NIPBL: variants seen among roughly 807,000 people sequenced by gnomAD.
The protein encoded by NIPBL is NIPBL cohesin loading factor.
NIPBL carries 19 observed loss-of-function variants against 321.8 expected under a neutral mutation model. The ratio of observed to expected loss-of-function variants is 0.06; its 90% CI spans 0.04 to 0.09. NIPBL has a LOEUF of 0.09. Ranked by LOEUF, NIPBL falls within the 10% of genes least tolerant of loss-of-function variation. The pLI is 1.00. For synonymous variants in NIPBL, 1,106 were observed against 1,114.1 expected (o/e 0.99, Z 0.14); for missense variants, 2,210 against 3,327.0 (o/e 0.66, Z 8.26).
intron 1 of NIPBL, among the ~76,000 whole-genome samples, chr5:36,942,795 A>G (rs1739261894): frequency 6.6e-6 from 1 of 151,008 alleles, no homozygotes; most frequent in Non-Finnish European, 1.5e-5. Flanking sequence ...TTTCACATTC[A>G]TTAGTTATAT....
intron 1 of NIPBL, among the ~76,000 whole-genome samples, chr5:36,952,266 C>G (rs558921186): frequency 6.6e-6 from 1 of 151,842 alleles, no homozygotes; most frequent in Non-Finnish European, 1.5e-5. Context: ...GAATGTTTGA[C>G]GTTTACAACT....
At chr5:37,050,347 C>T (rs1222449736) in intron 40 of NIPBL, among the ~76,000 whole-genome samples, 1 of 151,858 alleles carries the variant, frequency 6.6e-6, no homozygotes, top group African/African-American at 2.4e-5. Flanking sequence ...GCCTGTGGTC[C>T]CAGCTACATG....
chr5:36,973,803 T>C (rs1345010682), intron 8 of NIPBL, among the ~76,000 whole-genome samples: 1 of 152,118 alleles, frequency 6.6e-6, no homozygotes, highest in Non-Finnish European at 1.5e-5. Context: ...CTGCATTATG[T>C]ATTTGTCCTA....
chr5:36,984,335 T>C (rs1259324666), intron 9 of NIPBL, among the ~76,000 whole-genome samples: 6 of 152,112 alleles, frequency 3.9e-5, no homozygotes, highest in African/African-American at 1.4e-4. Flanking sequence ...GAAAAGAATC[T>C]GATTTATCCG....
chr5:37,036,347 G>GTATATATATATA (rs10554564), intron 32 of NIPBL, 32 bp from the exon 33 acceptor site: 26 of 384,504 alleles, frequency 6.8e-5, no homozygotes, highest in Non-Finnish European at 9.5e-5. Flanking sequence ...ATATATATAT[G>GTATATATATATA]TATATATATA....
intron 21 of NIPBL, among the ~76,000 whole-genome samples, chr5:37,012,788 T>G (rs1248030203): frequency 6.6e-6 from 1 of 152,130 alleles, no homozygotes; most frequent in Admixed American, 6.5e-5. Context: ...GGGGGTAAGG[T>G]CACAGATCAA....
intron 9 of NIPBL, among the ~76,000 whole-genome samples, chr5:36,984,102 G>A (rs929737374): frequency 2.6e-5 from 4 of 151,964 alleles, no homozygotes; most frequent in African/African-American, 9.7e-5. Context: ...ATTGATTAAA[G>A]TTAAATGACA....
At chr5:36,947,110 T>C (rs1360353197) in intron 1 of NIPBL, among the ~76,000 whole-genome samples, 1 of 152,090 alleles carries the variant, frequency 6.6e-6, no homozygotes, top group Admixed American at 6.6e-5. Context: ...TATATAAATA[T>C]CTGACACATA....
chr5:37,039,272 T>G (rs1752059731), intron 34 of NIPBL, among the ~76,000 whole-genome samples: 1 of 150,984 alleles, frequency 6.6e-6, no homozygotes. Flanking sequence ...ATATTTTTCA[T>G]ACAGTCTTTT....
chr5:36,985,718 G>T lies in NIPBL; in HGVS notation c.2538G>T (p.Leu846Phe). 1 of 1,613,826 alleles carries T rather than the reference G, an allele frequency of 6.2e-7. No individual in the cohort carries two copies. Among genetic ancestry groups the T allele is most frequent in the African/African-American group, 1.3e-5 (1 of 74,992 alleles). ...DQSRVRRPETLRSSSRNEHGI... is the reference protein window; with the variant it reads ...DQSRVRRPETFRSSSRNEHGI... The stretch of plus-strand genomic sequence containing the variant: ...CTAGGGTTCGAAGACCAGAAACATT[G>T]AGATCCTCTAGTAGAAATGAACATG... Residue 846 changes from leucine (L) to phenylalanine (F), a missense_variant, in exon 10 of 47, where the codon TTG (leucine) becomes TTT (phenylalanine). By Grantham distance (22) the Leu-to-Phe change is conservative (BLOSUM62 0). Coordinates refer to ENST00000282516, the MANE Select transcript of NIPBL (RefSeq NM_133433.4).
Position 37,066,038 on chromosome 5 carries a change from TTTAC to T in NIPBL, c.*1149_*1152del, listed in dbSNP as rs1235389606. On this transcript the variant is annotated 3_prime_UTR_variant, in exon 47 of 47. Transcript: ENST00000282516. ...ATTTTTTAATGCTGAAAAGAGTAAT[TTTAC>T]TTGTTGAGATGTTTATTCATTTTCT... 1.3e-5 allele frequency: 2 copies of T among 152,150 alleles called. No homozygotes were observed. The highest frequency in any genetic ancestry group is 2.9e-5 in the Non-Finnish European group (2 of 67,992). 9.4% of individuals were successfully genotyped at this position (152,150 alleles called of 1,614,324 possible).
intron 42 of NIPBL, among the ~76,000 whole-genome samples, chr5:37,055,623 A>G (rs746742114): frequency 2.0e-5 from 3 of 152,084 alleles, no homozygotes; most frequent in Non-Finnish European, 4.4e-5. Flanking sequence ...GTCAGATGCT[A>G]CTGAGAAGTC....
rs371511628 is a variant in NIPBL at position 36,991,994 on chromosome 5, G to A, written c.3122-3628G>A. On this transcript the variant is annotated intron_variant, in intron 10 of 46. Coordinates refer to ENST00000282516, the MANE Select transcript of NIPBL (RefSeq NM_133433.4). ...TGATGATTTCTGGTTTTAATAATCT[G>A]GCAAGTGCTAATTTGAGTGATTTAT... is the stretch of plus-strand genomic sequence containing the variant. Among the ~76,000 whole-genome samples the A allele has an allele frequency of 2.6e-5, 4 of 152,050 alleles. No individual in the cohort carries two copies. In the South Asian group the frequency reaches 8.3e-4, roughly 32 times the overall value.
intron 1 of NIPBL, among the ~76,000 whole-genome samples, chr5:36,933,917 A>AT (rs1433443042): frequency 7.1e-6 from 1 of 141,758 alleles, no homozygotes; most frequent in Non-Finnish European, 1.5e-5. Flanking sequence ...TAATAAGAGT[A>AT]TGGGGGGGTG....
chr5:36,936,352 G>A lies in NIPBL; in HGVS notation c.-79-17266G>A, dbSNP rs1246087761. ...AGGATTTTAATACCATATTTTTACT[G>A]TACCTTTTCTATGTTTAGATACACA... On this transcript the variant is annotated intron_variant, in intron 1 of 46. Coordinates refer to ENST00000282516, the MANE Select transcript of NIPBL (RefSeq NM_133433.4). Among the ~76,000 whole-genome samples, 9 of 152,136 alleles carry A rather than the reference G, an allele frequency of 5.9e-5. No homozygotes were observed. The East Asian group carries it at 7.7e-4, about 13-fold the overall frequency.
chr5:37,005,564 T>C (rs1171139182), intron 16 of NIPBL, among the ~76,000 whole-genome samples: 1 of 152,236 alleles, frequency 6.6e-6, no homozygotes, highest in Non-Finnish European at 1.5e-5. Flanking sequence ...CAAGCTACTT[T>C]ATCTTTCCTT....
At chr5:37,034,836 ATTAT>A (rs1220200801) in intron 32 of NIPBL, among the ~76,000 whole-genome samples, 3 of 152,226 alleles carry the variant, frequency 2.0e-5, no homozygotes, top group Admixed American at 6.5e-5. Flanking sequence ...AAAGTATGCC[ATTAT>A]TTATTAGTAA....
At chr5:36,931,901 G>A (rs1313380119) in intron 1 of NIPBL, among the ~76,000 whole-genome samples, 1 of 150,632 alleles carries the variant, frequency 6.6e-6, no homozygotes, top group Non-Finnish European at 1.5e-5. Flanking sequence ...ATACTGATTC[G>A]AGGCTGTTCT....
At chr5:36,982,185 C>A (rs1027594025) in intron 9 of NIPBL, 17 of 972,078 alleles carry the variant, frequency 1.7e-5, no homozygotes, top group Middle Eastern at 5.3e-4. Context: ...ATTCTGATAG[C>A]TAATCTTATG....
Sources: allele counts gnomAD v4.1 joint callset (sites outside exome capture counted in the v4.1 genomes callset), GRCh38; gene constraint gnomAD v4.1.1; transcripts MANE v1.5; gene names NCBI Gene and HGNC (gene_info 2026-07-23, HGNC 2026-07-21).